The following WHRN variants were observed in gnomAD, a reference collection of about 807,000 sequenced individuals.
The protein encoded by WHRN is CASK-interacting protein CIP98.
WHRN carries 41 observed loss-of-function variants against 68.3 expected under a neutral mutation model. That is an observed-to-expected ratio of 0.60 (90% CI 0.47 to 0.78). The LOEUF (loss-of-function observed/expected upper bound fraction) is 0.78. Among genes scored for constraint, WHRN ranks in the 30% least tolerant of loss-of-function variants. The pLI is 0.00. For synonymous variants in WHRN, 560 were observed against 561.3 expected, an observed-to-expected ratio of 1.00 and a Z score of 0.03; for missense variants, 1,243 against 1,244.7, an observed-to-expected ratio of 1.00 and a Z score of 0.02.
chr9:114,461,586 C>T (rs1055674742), intron 3 of WHRN, among the ~76,000 whole-genome samples: 3 of 152,254 alleles, frequency 2.0e-5, no homozygotes, highest in Non-Finnish European at 2.9e-5. Flanking sequence ...TGGCTTTCCA[C>T]GTTCAGCCAC....
intron 8 of WHRN, among the ~76,000 whole-genome samples, 187 bp from the exon 9 acceptor site, chr9:114,407,079 A>G (rs1001563644): frequency 1.3e-5 from 2 of 152,312 alleles, no homozygotes; most frequent in Admixed American, 6.5e-5. Context: ...TCGGCAGCTG[A>G]TAAGCGTTGG....
intron 3 of WHRN, among the ~76,000 whole-genome samples, chr9:114,429,552 C>T (rs1233267233): frequency 6.6e-6 from 1 of 152,220 alleles, no homozygotes; most frequent in Non-Finnish European, 1.5e-5. Flanking sequence ...CTGCAATTCT[C>T]TTTCTCCCTT....
Position 114,402,927 on chromosome 9 carries a change from A to C in WHRN, c.2551T>G (p.Ser851Ala). ...TTGAGCTGCCCACAGTTGTGAGCTG[A>C]GCCGCCTCTCTGCAGGGAGGAGACA... ...PRIVTIQRGG[S>A]AHNCGQLKVG... The change falls in exon 12 of 12, where the codon TCA becomes GCA. Residue 851 changes from serine to alanine, a missense_variant. Transcript: ENST00000362057. 1 of 1,610,260 alleles carries C rather than the reference A, an allele frequency of 6.2e-7. No homozygotes were observed. The highest frequency in any genetic ancestry group is 8.5e-7 in the Non-Finnish European group (1 of 1,178,748).
chr9:114,476,392 T>C (rs1236955665), intron 2 of WHRN, among the ~76,000 whole-genome samples: 1 of 151,950 alleles, frequency 6.6e-6, no homozygotes, highest in Non-Finnish European at 1.5e-5. Context: ...CATGCTGTCC[T>C]TGCTGCTTGG....
chr9:114,484,549 T>A (rs1341327006), intron 1 of WHRN, among the ~76,000 whole-genome samples: 1 of 152,194 alleles, frequency 6.6e-6, no homozygotes, highest in Non-Finnish European at 1.5e-5. Flanking sequence ...TTGCAAGATC[T>A]GGGGAGAGCC....
intron 1 of WHRN, among the ~76,000 whole-genome samples, chr9:114,501,288 A>G (rs1269517578): frequency 1.3e-5 from 2 of 152,176 alleles, no homozygotes; most frequent in Non-Finnish European, 2.9e-5. Context: ...TTTCAACATA[A>G]TTGCAAATAG....
In WHRN at chr9:114,447,560, T is replaced by C. The variant is rs147692869; in HGVS notation, c.963+18707A>G. ...CAGTTTGCTATTTCCTCCTCCCTCT[T>C]CCTCACTAGACTGTCAGCAATTTGA... On this transcript the variant is annotated intron_variant, in intron 3 of 11. Coordinates refer to ENST00000362057, the MANE Select transcript of WHRN (RefSeq NM_015404.4). Among the ~76,000 whole-genome samples, 253 of 152,280 alleles carry C rather than the reference T, an allele frequency of 1.7e-3. 4 individuals are homozygous for C. The highest frequency in any genetic ancestry group is 1.2e-3 in the Non-Finnish European group (80 of 68,020).
At chr9:114,444,068 A>G (rs1300581056) in intron 3 of WHRN, among the ~76,000 whole-genome samples, 1 of 152,190 alleles carries the variant, frequency 6.6e-6, no homozygotes, top group South Asian at 2.1e-4. Flanking sequence ...GGTCCCTCCC[A>G]CAGGACACAG....
intron 1 of WHRN, chr9:114,503,339 GAGGGGGGA>G (rs1465435731): frequency 6.1e-6 from 2 of 326,598 alleles, no homozygotes; most frequent in Non-Finnish European, 8.8e-6. Context: ...GAGGTCGGGG[GAGGGGGGA>G]AGGGGGAAAA....
At chr9:114,404,311 A>G (rs755701914) in intron 9 of WHRN, among the ~76,000 whole-genome samples, 10 of 152,244 alleles carry the variant, frequency 6.6e-5, no homozygotes, top group Non-Finnish European at 1.5e-4. Context: ...TGTGACTTCC[A>G]GGACATCTGC....
chr9:114,497,576 C>G (rs1843570727), intron 1 of WHRN, among the ~76,000 whole-genome samples: 1 of 151,574 alleles, frequency 6.6e-6, no homozygotes, highest in Admixed American at 6.6e-5. Flanking sequence ...AGATATATCT[C>G]ACCCAAAATT....
rs200827303 is a variant in WHRN at position 114,433,593 on chromosome 9, GT to G, written c.964-7181del. Among the ~76,000 whole-genome samples the G allele has an allele frequency of 7.3e-5, 11 of 151,354 alleles. No homozygotes were observed. In the East Asian group the frequency reaches 7.8e-4, roughly 11 times the overall value. ...GTCAGGTGTAAAACTTTAATGGGCT[GT>G]TTTTTTTTCTTTCATTACAAGTAAG... On this transcript the variant is annotated intron_variant, in intron 3 of 11. Coordinates refer to ENST00000362057, the MANE Select transcript of WHRN (RefSeq NM_015404.4).
At chr9:114,416,065 C>T (rs1230150940) in intron 7 of WHRN, among the ~76,000 whole-genome samples, 1 of 152,168 alleles carries the variant, frequency 6.6e-6, no homozygotes, top group Non-Finnish European at 1.5e-5. Context: ...ACATCTACTG[C>T]CCCCTATTCA....
At chr9:114,439,850 A>G (rs1838214302) in intron 3 of WHRN, among the ~76,000 whole-genome samples, 1 of 152,252 alleles carries the variant, frequency 6.6e-6, no homozygotes, top group Non-Finnish European at 1.5e-5. Flanking sequence ...TATGTCATGA[A>G]TGCATAAAAT....
At chr9:114,478,239 G>A in intron 2 of WHRN, 1 of 639,432 alleles carries the variant, frequency 1.6e-6, no homozygotes, top group Admixed American at 2.6e-5. Flanking sequence ...AGCGAGCCAG[G>A]ATCTCGTGAC....
intron 2 of WHRN, among the ~76,000 whole-genome samples, chr9:114,471,949 GC>G (rs927830408): frequency 1.3e-5 from 2 of 152,234 alleles, no homozygotes; most frequent in African/African-American, 4.8e-5. Flanking sequence ...GAAGCAATGA[GC>G]CCAAGGCAAG....
chr9:114,478,916 C>T (rs1589230419), intron 1 of WHRN, 145 bp from the exon 2 acceptor site: 1 of 782,182 alleles, frequency 1.3e-6, no homozygotes, highest in Non-Finnish European at 2.2e-6. Flanking sequence ...CTTCTCTAGC[C>T]CTCGATTTTG....
intron 3 of WHRN, among the ~76,000 whole-genome samples, chr9:114,456,781 A>G (rs1839842231): frequency 6.6e-6 from 1 of 151,626 alleles, no homozygotes; most frequent in Admixed American, 6.6e-5. Flanking sequence ...GCGAGCCGAG[A>G]TCGTGTCACT....
At chr9:114,475,441 T>C (rs902046087) in intron 2 of WHRN, among the ~76,000 whole-genome samples, 4 of 152,188 alleles carry the variant, frequency 2.6e-5, no homozygotes, top group African/African-American at 9.7e-5. Context: ...CTCTGTACTT[T>C]GTCTTCAGCC....
Sources: allele counts gnomAD v4.1 joint callset (sites outside exome capture counted in the v4.1 genomes callset), GRCh38; gene constraint gnomAD v4.1.1; transcripts MANE v1.5; gene names NCBI Gene and HGNC (gene_info 2026-07-23, HGNC 2026-07-21).